The following SLC7A5 variants were observed in gnomAD, a reference collection of about 807,000 sequenced individuals.
SLC7A5 encodes large neutral amino acids transporter small subunit 1.
A neutral mutation model predicts 50.2 loss-of-function variants in SLC7A5; 23 were observed. That is an observed-to-expected ratio of 0.46 (90% CI 0.33 to 0.65). SLC7A5 has a LOEUF of 0.65. SLC7A5 is among the 30% of genes least tolerant of loss of function. SLC7A5 has a pLI of 0.02. For synonymous variants in SLC7A5, 393 were observed against 330.6 expected, an observed-to-expected ratio of 1.19 and a Z score of -2.05; for missense variants, 578 against 684.4, an observed-to-expected ratio of 0.84 and a Z score of 1.73.
intron 1 of SLC7A5, among the ~76,000 whole-genome samples, chr16:87,867,885 G>A (rs1173076219): frequency 6.6e-6 from 1 of 152,162 alleles, no homozygotes; most frequent in Non-Finnish European, 1.5e-5. Context: ...GGAGGCCGAG[G>A]CGGGCGGATC....
At position 87,853,079 on chromosome 16, in the gene SLC7A5, G is replaced by C. The variant is rs929774010; in HGVS notation, c.539-1230C>G. ...CACCACTAAGACTGCAGGAAGGTGA[G>C]AGCATCAGAAAGGCCGTGGGCTCCT... On this transcript the variant is annotated intron_variant, in intron 1 of 9. Coordinates refer to ENST00000261622, the MANE Select transcript of SLC7A5 (RefSeq NM_003486.7). This position sits in a 1 kb window ranked among gnomAD's most constrained non-coding sequence, Gnocchi z 4.4. Among the ~76,000 whole-genome samples, 1 of 152,180 alleles carries C rather than the reference G, an allele frequency of 6.6e-6. No individual in the cohort carries two copies. The highest frequency in any genetic ancestry group is 1.5e-5 in the Non-Finnish European group (1 of 68,040).
At position 87,833,314 on chromosome 16, in the gene SLC7A5, G is replaced by A. The variant is rs2054955873; in HGVS notation, c.1469-289C>T. The stretch of plus-strand genomic sequence containing the variant: ...TGCGGCCCCTGGGGCACACGAACCA[G>A]GCCCTGGTGTCTCAGCAAAGTGCAA... On this transcript the variant is annotated intron_variant, in intron 9 of 9. Coordinates refer to ENST00000261622, the MANE Select transcript of SLC7A5 (RefSeq NM_003486.7). The surrounding 1 kb of genome is among the most constrained non-coding windows in gnomAD (Gnocchi z 6.0). Among the ~76,000 whole-genome samples the A allele has an allele frequency of 1.3e-5, 2 of 152,242 alleles. No individual in the cohort carries two copies. The highest frequency in any genetic ancestry group is 6.5e-5 in the Admixed American group (1 of 15,292).
intron 7 of SLC7A5, chr16:87,836,859 A>T: frequency 2.5e-6 from 1 of 403,768 alleles, no homozygotes; most frequent in Non-Finnish European, 4.8e-6. Flanking sequence ...AGAGGCGGGG[A>T]GGAGGGAAGG....
Position 87,851,446 on chromosome 16 carries a change from G to A in SLC7A5, c.664+278C>T, listed in dbSNP as rs138842832. On this transcript the variant is annotated intron_variant, in intron 2 of 9. Transcript: ENST00000261622. ...CAGGTGAGGTTACAACGCATCAGCT[G>A]GGCTCTCAAGATTCACAGACATCGC... Among the ~76,000 whole-genome samples, 848 of 152,276 alleles carry A rather than the reference G, an allele frequency of 5.6e-3. 7 individuals are homozygous for A. The highest frequency in any genetic ancestry group is 0.019 in the African/African-American group (796 of 41,572).
At chr16:87,848,761 G>A (rs550433826) in intron 2 of SLC7A5, among the ~76,000 whole-genome samples, 45 of 152,300 alleles carry the variant, frequency 3.0e-4, no homozygotes, top group Non-Finnish European at 4.9e-4. Flanking sequence ...TCCCATTCAC[G>A]TGCCTATGGC....
intron 1 of SLC7A5, among the ~76,000 whole-genome samples, chr16:87,868,456 A>AT (rs376857845): frequency 1.8e-4 from 27 of 150,834 alleles, no homozygotes; most frequent in African/African-American, 2.9e-4. Context: ...GAAATGAATG[A>AT]TTTTTTTTTT....
intron 5 of SLC7A5, 128 bp downstream of exon 5, chr16:87,839,574 G>T: frequency 7.5e-7 from 1 of 1,335,710 alleles, no homozygotes; most frequent in Non-Finnish European, 1.1e-6. Context: ...GGTAGGGGAG[G>T]CTTAGAGACG....
intron 2 of SLC7A5, among the ~76,000 whole-genome samples, chr16:87,850,730 C>T (rs148054143): frequency 5.4e-4 from 83 of 152,354 alleles, no homozygotes; most frequent in African/African-American, 1.9e-3. Flanking sequence ...TACCCAACCA[C>T]GGGTGGGATC....
Position 87,836,485 on chromosome 16 carries a change from GC to G in SLC7A5, c.1290+12del, listed in dbSNP as rs1226769806. 3 of 1,608,002 alleles carry G rather than the reference GC, an allele frequency of 1.9e-6. No individual in the cohort carries two copies. The highest frequency in any genetic ancestry group is 3.3e-5 in the Admixed American group (2 of 60,032). ...TGAAGGGTGCCTGGGTGAGCGGGAG[GC>G]CCCGGGCTCACCTTGATGGGCCGCT... On this transcript the variant is annotated intron_variant, in intron 8 of 9. Transcript: ENST00000261622.
chr16:87,851,803 C>T lies in SLC7A5; in HGVS notation c.585G>A (p.Arg195=), dbSNP rs149738207. 2.5e-6 allele frequency: 4 copies of T among 1,612,936 alleles called. No homozygotes were observed. The highest frequency in any genetic ancestry group is 3.4e-6 in the Non-Finnish European group (4 of 1,179,946). The part of the protein sequence containing the change: ...VNCYSVKAAT[R]VQDAFAAAKL... Reference sequence around the variant, plus strand: ...TGGCGGCGGCAAAGGCATCCTGGACCCGGGTGGCGGCCTTCACGCTGTAGC... The same window carrying T: ...TGGCGGCGGCAAAGGCATCCTGGACTCGGGTGGCGGCCTTCACGCTGTAGC... The change falls in exon 2 of 10, where the codon CGG becomes CGA. Residue 195 remains arginine, a synonymous_variant. Transcript: ENST00000261622.
chr16:87,833,227 C>A lies in SLC7A5; in HGVS notation c.1469-202G>T, dbSNP rs376694919. ...CGAGGCGCTGTCTTCAACTGAAATG[C>A]GGAAGTGCCACATCCCACTCGGCCC... On this transcript the variant is annotated intron_variant, in intron 9 of 9. Coordinates refer to ENST00000261622, the MANE Select transcript of SLC7A5 (RefSeq NM_003486.7). The surrounding 1 kb of genome is among the most constrained non-coding windows in gnomAD (Gnocchi z 6.0). Among the ~76,000 whole-genome samples the A allele has an allele frequency of 5.3e-5, 8 of 152,246 alleles. No homozygotes were observed. In the East Asian group the frequency reaches 5.8e-4, roughly 11 times the overall value.
chr16:87,834,041 A>G (rs1270199158), intron 9 of SLC7A5, among the ~76,000 whole-genome samples: 1 of 151,938 alleles, frequency 6.6e-6, no homozygotes, highest in African/African-American at 2.4e-5. Flanking sequence ...TTTAGTAGAG[A>G]CAGAGTTTCA....
In SLC7A5 at chr16:87,836,552, G is replaced by A. The variant is rs1282446781; in HGVS notation, c.1236C>T (p.Ile412=). Residue 412 remains isoleucine (I), a synonymous_variant, in exon 8 of 10, where the codon ATC becomes ATT. Coordinates refer to ENST00000261622, the MANE Select transcript of SLC7A5 (RefSeq NM_003486.7). ...TGTGGCGCAGCCAGATCATGCCGAT[G>A]ATGGCCAGGGCCACGCAGAGCCAGT... is the stretch of plus-strand genomic sequence containing the variant. ...FFNWLCVALA[I]IGMIWLRHRK... 3 of 1,613,590 alleles carry A rather than the reference G, an allele frequency of 1.9e-6. No individual in the cohort carries two copies. Among genetic ancestry groups the A allele is most frequent in the Non-Finnish European group, 2.5e-6 (3 of 1,180,026 alleles).
Position 87,852,214 on chromosome 16 carries a change from G to T in SLC7A5, c.539-365C>A, listed in dbSNP as rs1378467900. 6.6e-6 allele frequency among the ~76,000 whole-genome samples: 1 copy of T among 152,164 alleles called. No individual in the cohort carries two copies. The highest frequency in any genetic ancestry group is 1.9e-4 in the East Asian group (1 of 5,192). On this transcript the variant is annotated intron_variant, in intron 1 of 9. Coordinates refer to ENST00000261622, the MANE Select transcript of SLC7A5 (RefSeq NM_003486.7). This position sits in a 1 kb window ranked among gnomAD's most constrained non-coding sequence, Gnocchi z 4.5. ...GCAAGGTGACCCTGCCACTTGGAAG[G>T]CGCCCATTACACCTTTTTGTACCTA...
Position 87,836,529 on chromosome 16 carries a change from TG to T in SLC7A5, c.1258del (p.His420ThrfsTer12). On this transcript the variant is annotated frameshift_variant, in exon 8 of 10. Transcript: ENST00000261622. LOFTEE classifies it high-confidence loss of function. The part of the protein sequence containing the change: ...LAIIGMIWLR[H>X]RKPELERPIK... ...GGGCCGCTCAAGCTCAGGCTTTCTG[TG>T]GCGCAGCCAGATCATGCCGATGATG... is the stretch of plus-strand genomic sequence containing the variant. The T allele has an allele frequency of 6.2e-7, 1 of 1,612,956 alleles. No homozygotes were observed. Among genetic ancestry groups the T allele is most frequent in the Non-Finnish European group, 8.5e-7 (1 of 1,180,000 alleles).
In SLC7A5 at chr16:87,841,045, C is replaced by T. The variant is rs1197726752; in HGVS notation, c.770+5G>A. The T allele has an allele frequency of 6.2e-7, 1 of 1,603,356 alleles. No homozygotes were observed. On this transcript the variant is annotated splice_donor_5th_base_variant and intron_variant, in intron 3 of 9. Transcript: ENST00000261622. This position sits in a 1 kb window ranked among gnomAD's most constrained non-coding sequence, Gnocchi z 4.8. ...ACCAAGGGACCCAGACATTCCAGAA[C>T]CTACCATCCTCCATAGGCAAAGAGG...
chr16:87,847,260 C>T (rs557771485), intron 2 of SLC7A5, among the ~76,000 whole-genome samples: 2 of 152,346 alleles, frequency 1.3e-5, no homozygotes, highest in East Asian at 1.9e-4. Context: ...ACGTTTTTCT[C>T]ACCAGAACAG....
rs890645331 is a variant in SLC7A5 at position 87,841,687 on chromosome 16, C to T, written c.665-532G>A. Among the ~76,000 whole-genome samples, 5 of 152,194 alleles carry T rather than the reference C, an allele frequency of 3.3e-5. No individual in the cohort carries two copies. The highest frequency in any genetic ancestry group is 1.2e-4 in the African/African-American group (5 of 41,446). ...GAACATAGGTTTGTCCTGGACCGTGCTGAGTGTGTGGCCAGCTGCAGCCGG... is the reference window on the plus strand; with the variant it reads ...GAACATAGGTTTGTCCTGGACCGTGTTGAGTGTGTGGCCAGCTGCAGCCGG... On this transcript the variant is annotated intron_variant, in intron 2 of 9. Coordinates refer to ENST00000261622, the MANE Select transcript of SLC7A5 (RefSeq NM_003486.7). This position sits in a 1 kb window ranked among gnomAD's most constrained non-coding sequence, Gnocchi z 4.8.
chr16:87,850,585 G>A (rs1225112336), intron 2 of SLC7A5, among the ~76,000 whole-genome samples: 1 of 152,250 alleles, frequency 6.6e-6, no homozygotes, highest in Non-Finnish European at 1.5e-5. Context: ...GGCTCTGGGA[G>A]AGAAGAGAAG....
Sources: allele counts gnomAD v4.1 joint callset (sites outside exome capture counted in the v4.1 genomes callset), GRCh38; gene constraint gnomAD v4.1.1; non-coding constraint Gnocchi (gnomAD v3.1); transcripts MANE v1.5; gene names NCBI Gene and HGNC (gene_info 2026-07-23, HGNC 2026-07-21).